Variants in SPOCK3 observed in about 807,000 individuals in gnomAD.
The protein encoded by SPOCK3 is testican-3.
In SPOCK3, 30 loss-of-function variants were observed where a neutral mutation model predicts 56.6. That is an observed-to-expected ratio of 0.53 (90% confidence interval 0.40 to 0.72). The LOEUF is 0.72. Ranked by LOEUF, SPOCK3 falls within the 30% of genes least tolerant of loss-of-function variation. The pLI, the probability that SPOCK3 is intolerant of heterozygous loss-of-function variation, is 0.00. For missense variants in SPOCK3, 527 were observed against 530.0 expected (o/e 0.99, Z 0.06); for synonymous variants, 196 against 183.3 (o/e 1.07, Z -0.56).
intron 4 of SPOCK3, among the ~76,000 whole-genome samples, chr4:166,941,956 A>T (rs1375877545): frequency 1.3e-5 from 2 of 152,202 alleles, no homozygotes; most frequent in African/African-American, 4.8e-5. Flanking sequence ...CTGCACTCAG[A>T]CATCTGACTC....
intron 2 of SPOCK3, among the ~76,000 whole-genome samples, chr4:167,127,128 G>T (rs1396601524): frequency 5.9e-5 from 9 of 152,156 alleles, no homozygotes; most frequent in Non-Finnish European, 4.4e-5. Context: ...AGCTTAAAAG[G>T]AGATATGTTA....
chr4:166,981,634 C>T (rs371362566), intron 4 of SPOCK3, among the ~76,000 whole-genome samples: 5 of 152,184 alleles, frequency 3.3e-5, no homozygotes, highest in African/African-American at 1.2e-4. Flanking sequence ...ATAATTCTCG[C>T]TCCTGTCCAC....
chr4:167,107,120 G>C (rs1760232884), intron 2 of SPOCK3, among the ~76,000 whole-genome samples: 1 of 151,846 alleles, frequency 6.6e-6, no homozygotes, highest in Non-Finnish European at 1.5e-5. Context: ...CCAATAAATA[G>C]AGGGAAAAGG....
chr4:166,955,497 A>T (rs1287832767), intron 4 of SPOCK3, among the ~76,000 whole-genome samples: 2 of 145,856 alleles, frequency 1.4e-5, no homozygotes, highest in South Asian at 2.1e-4. Flanking sequence ...TATATTATTA[A>T]ATTAGTTATA....
At chr4:167,197,337 T>A (rs1733051974) in intron 2 of SPOCK3, among the ~76,000 whole-genome samples, 1 of 152,108 alleles carries the variant, frequency 6.6e-6, no homozygotes, top group Admixed American at 6.6e-5. Flanking sequence ...TCTCAGCTAC[T>A]CAAAAATGAT....
intron 4 of SPOCK3, among the ~76,000 whole-genome samples, chr4:166,914,942 T>C (rs1737679737): frequency 6.6e-6 from 1 of 152,156 alleles, no homozygotes; most frequent in Admixed American, 6.6e-5. Flanking sequence ...TCATATTCTT[T>C]TTTTTATTAT....
chr4:167,077,566 T>C (rs1346661674), intron 2 of SPOCK3, among the ~76,000 whole-genome samples: 1 of 151,938 alleles, frequency 6.6e-6, no homozygotes, highest in East Asian at 1.9e-4. Context: ...GCTTCAAACA[T>C]CTAAGACATA....
intron 7 of SPOCK3, among the ~76,000 whole-genome samples, chr4:166,763,007 T>C (rs1034066563): frequency 6.6e-6 from 1 of 152,070 alleles, no homozygotes; most frequent in Non-Finnish European, 1.5e-5. Flanking sequence ...ATTACTTACA[T>C]CTTTTTGAAT....
chr4:166,869,375 C>T (rs1449155064), intron 6 of SPOCK3, among the ~76,000 whole-genome samples: 2 of 152,080 alleles, frequency 1.3e-5, no homozygotes, highest in African/African-American at 4.8e-5. Context: ...TCTCAGAGCT[C>T]CAAACTAAAC....
chr4:166,788,772 A>T (rs1034887572), intron 7 of SPOCK3, among the ~76,000 whole-genome samples: 5 of 151,884 alleles, frequency 3.3e-5, no homozygotes, highest in African/African-American at 1.2e-4. Flanking sequence ...AAAAAACTAT[A>T]GTGCTATCTT....
chr4:166,850,608 G>A (rs62353211), intron 6 of SPOCK3, among the ~76,000 whole-genome samples: 4,269 of 152,302 alleles, frequency 0.028, 59 homozygotes, highest in Middle Eastern at 0.041. Context: ...CACTGGGTGC[G>A]TGCACCGTGC....
chr4:166,803,447 T>C (rs4241627), intron 6 of SPOCK3, among the ~76,000 whole-genome samples: 137,871 of 152,156 alleles, frequency 0.91, 62,661 homozygotes, highest in African/African-American at 0.97. Flanking sequence ...TTCTGACAGC[T>C]GGTGGCATTT....
chr4:166,825,963 G>C (rs765550240), intron 6 of SPOCK3, among the ~76,000 whole-genome samples: 6 of 151,902 alleles, frequency 3.9e-5, no homozygotes, highest in Non-Finnish European at 7.4e-5. Flanking sequence ...TGGGTGACAG[G>C]TGCACCAAAA....
intron 2 of SPOCK3, among the ~76,000 whole-genome samples, chr4:167,085,983 A>AAGAT (rs1474782492): frequency 5.9e-5 from 9 of 152,074 alleles, no homozygotes; most frequent in East Asian, 3.9e-4. Flanking sequence ...AGAACAGAAT[A>AAGAT]AGATATTTGA....
intron 2 of SPOCK3, among the ~76,000 whole-genome samples, chr4:167,143,623 T>A (rs1763706174): frequency 6.6e-6 from 1 of 151,900 alleles, no homozygotes; most frequent in South Asian, 2.1e-4. Flanking sequence ...CTGCCATTTT[T>A]TTACATTTTT....
chr4:167,031,161 T>C (rs1752241339), intron 3 of SPOCK3, among the ~76,000 whole-genome samples: 1 of 152,020 alleles, frequency 6.6e-6, no homozygotes, highest in Non-Finnish European at 1.5e-5. Flanking sequence ...AAAAACCTGG[T>C]CTGATATTGA....
chr4:166,931,000 T>C (rs919756311), intron 4 of SPOCK3, among the ~76,000 whole-genome samples: 1 of 152,154 alleles, frequency 6.6e-6, no homozygotes, highest in African/African-American at 2.4e-5. Flanking sequence ...TTTCCTTTTT[T>C]TTGACAGAGT....
chr4:167,119,304 G>A (rs868856914), intron 2 of SPOCK3, among the ~76,000 whole-genome samples: 1 of 152,136 alleles, frequency 6.6e-6, no homozygotes, highest in Admixed American at 6.5e-5. Flanking sequence ...CACATAGAGG[G>A]TGTGATCAGA....
intron 2 of SPOCK3, among the ~76,000 whole-genome samples, chr4:167,149,793 C>T (rs1046918859): frequency 6.7e-6 from 1 of 150,290 alleles, no homozygotes; most frequent in Non-Finnish European, 1.5e-5. Context: ...GAACGTTCCA[C>T]ATTTGAGAGA....
Sources: allele counts gnomAD v4.1 joint callset (sites outside exome capture counted in the v4.1 genomes callset), GRCh38; gene constraint gnomAD v4.1.1; transcripts MANE v1.5; gene names NCBI Gene and HGNC (gene_info 2026-07-23, HGNC 2026-07-21).